IFT74: variants seen among roughly 807,000 people sequenced by gnomAD.
IFT74 encodes intraflagellar transport 74, also known as intraflagellar transport protein 74 homolog.
A neutral mutation model predicts 96.7 loss-of-function variants in IFT74; 92 were observed. The ratio of observed to expected loss-of-function variants is 0.95; its 90% CI spans 0.80 to 1.13. The LOEUF is 1.13. IFT74 is among the 50% of genes most tolerant of loss of function. The pLI, the probability that IFT74 is intolerant of heterozygous loss-of-function variation, is 0.00. For synonymous variants in IFT74, 223 were observed against 213.2 expected (o/e 1.05, Z -0.40); for missense variants, 811 against 698.2 (o/e 1.16, Z -1.82).
intron 9 of IFT74, among the ~76,000 whole-genome samples, chr9:27,010,858 C>G (rs377437271): frequency 1.1e-4 from 16 of 152,234 alleles, no homozygotes; most frequent in Non-Finnish European, 1.5e-4. Context: ...TATTGAGAAT[C>G]CTCTCAATAC....
chr9:27,025,667 A>G (rs919500854), intron 12 of IFT74, among the ~76,000 whole-genome samples: 5 of 152,166 alleles, frequency 3.3e-5, no homozygotes, highest in Admixed American at 2.6e-4. Flanking sequence ...ACAAGCTAGA[A>G]GGAATTGGAG....
At chr9:27,054,097 A>T (rs1820053369) in intron 16 of IFT74, among the ~76,000 whole-genome samples, 1 of 152,246 alleles carries the variant, frequency 6.6e-6, no homozygotes, top group Admixed American at 6.5e-5. Context: ...GCTTAATTAT[A>T]CTAACTTTAA....
chr9:27,001,652 A>G (rs1308697384), intron 8 of IFT74, among the ~76,000 whole-genome samples: 1 of 151,904 alleles, frequency 6.6e-6, no homozygotes, highest in African/African-American at 2.4e-5. Flanking sequence ...TACTTGGATT[A>G]TTTGTTTTTT....
intron 9 of IFT74, among the ~76,000 whole-genome samples, chr9:27,011,176 C>T (rs1486589148): frequency 2.0e-5 from 3 of 152,166 alleles, no homozygotes; most frequent in Middle Eastern, 3.4e-3. Flanking sequence ...TGGTTGATCC[C>T]GGGAGGCGGA....
chr9:27,044,092 C>T (rs192816075), intron 13 of IFT74, among the ~76,000 whole-genome samples: 83 of 152,298 alleles, frequency 5.4e-4, no homozygotes, highest in Middle Eastern at 6.8e-3. Context: ...TCACTTCATT[C>T]TCTGCCTCGG....
intron 15 of IFT74, 35 bp from the exon 16 acceptor site, chr9:27,048,113 G>C (rs758496791): frequency 1.4e-6 from 2 of 1,477,298 alleles, no homozygotes; most frequent in Admixed American, 2.0e-5. Context: ...TAAATCAGTG[G>C]ATTTTTTTCT....
At chr9:27,046,660 A>C (rs1266905184) in intron 14 of IFT74, among the ~76,000 whole-genome samples, 1 of 152,186 alleles carries the variant, frequency 6.6e-6, no homozygotes. Context: ...GTTAGTAGTC[A>C]GGGTGTTAAT....
chr9:26,991,001 G>GCACA (rs1290160325), intron 8 of IFT74, among the ~76,000 whole-genome samples: 4 of 152,148 alleles, frequency 2.6e-5, no homozygotes, highest in Non-Finnish European at 4.4e-5. Flanking sequence ...ACACATACAA[G>GCACA]CACATTCTCT....
intron 4 of IFT74, among the ~76,000 whole-genome samples, chr9:26,982,871 C>T (rs115428443): frequency 0.038 from 5,791 of 152,166 alleles, 130 homozygotes; most frequent in Middle Eastern, 0.065. Flanking sequence ...GGATTACAGG[C>T]GTGAGCTGCC....
rs747470036 is a variant in IFT74 at position 27,028,240 on chromosome 9, T to C, written c.975-785T>C. ...ACTGCTTTATGTTAAAATATTAACC[T>C]ATATAATCTTCTGCCAGTGGTAGGT... On this transcript the variant is annotated intron_variant, in intron 12 of 19. Transcript: ENST00000380062. Among the ~76,000 whole-genome samples, 137 of 152,346 alleles carry C rather than the reference T, an allele frequency of 9.0e-4. 6 individuals carry two copies. Among genetic ancestry groups the C allele is most frequent in the Non-Finnish European group, 4.7e-4 (32 of 68,032 alleles).
intron 1 of IFT74, among the ~76,000 whole-genome samples, chr9:26,949,278 T>C (rs1045945745): frequency 1.3e-5 from 2 of 152,228 alleles, no homozygotes; most frequent in African/African-American, 2.4e-5. Flanking sequence ...TAGATAGTAT[T>C]ATTCCCATTT....
chr9:26,999,662 C>A (rs1828367912), intron 8 of IFT74: 1 of 1,609,390 alleles, frequency 6.2e-7, no homozygotes, highest in Non-Finnish European at 8.5e-7. Context: ...TGGAGAGGGG[C>A]CAAAAGAGGA....
At chr9:26,987,550 A>G (rs1827691962) in intron 6 of IFT74, among the ~76,000 whole-genome samples, 1 of 152,210 alleles carries the variant, frequency 6.6e-6, no homozygotes. Context: ...TTAGCTGTGT[A>G]TCTGACATAT....
rs1398141834 is a variant in IFT74 at position 27,063,771 on chromosome 9, A to T, written c.*1035A>T. Among the ~76,000 whole-genome samples, 2 of 152,102 alleles carry T rather than the reference A, an allele frequency of 1.3e-5. No individual in the cohort carries two copies. The highest frequency in any genetic ancestry group is 2.4e-5 in the African/African-American group (1 of 41,438). On this transcript the variant is annotated 3_prime_UTR_variant, in exon 20 of 20. Transcript: ENST00000380062. ...AATTTACTCATATATGTTGATTTTTAAAAATAAATATTTATAATGGTAAAT... is the reference window on the plus strand; with the variant it reads ...AATTTACTCATATATGTTGATTTTTTAAAATAAATATTTATAATGGTAAAT...
At chr9:27,041,299 C>T (rs1201911725) in intron 13 of IFT74, among the ~76,000 whole-genome samples, 1 of 152,128 alleles carries the variant, frequency 6.6e-6, no homozygotes, top group Admixed American at 6.5e-5. Context: ...GTTACCACAG[C>T]ACTTCATACA....
intron 1 of IFT74, among the ~76,000 whole-genome samples, chr9:26,958,017 T>G (rs1259691153): frequency 6.6e-6 from 1 of 152,162 alleles, no homozygotes; most frequent in African/African-American, 2.4e-5. Context: ...CCTCCCAAAG[T>G]TCTGGGATTA....
At chr9:27,035,037 A>G (rs2131661280) in intron 13 of IFT74, among the ~76,000 whole-genome samples, 1 of 152,382 alleles carries the variant, frequency 6.6e-6, no homozygotes, top group Non-Finnish European at 1.5e-5. Context: ...CTTAATTATT[A>G]ATAGTCTAAT....
intron 14 of IFT74, among the ~76,000 whole-genome samples, chr9:27,046,779 A>C (rs1819714050): frequency 6.6e-6 from 1 of 152,180 alleles, no homozygotes; most frequent in Non-Finnish European, 1.5e-5. Context: ...ATTTACTTAT[A>C]TCAAGGTCAC....
chr9:27,023,941 A>T lies in IFT74; in HGVS notation c.975-5084A>T, dbSNP rs190506962. On this transcript the variant is annotated intron_variant, in intron 12 of 19. Transcript: ENST00000380062. ...CTTGTGGCAGGCCTATGGCCTCACC[A>T]ATCACCTGAGAAACCCAAATATTTA... Among the ~76,000 whole-genome samples, 31 of 152,266 alleles carry T rather than the reference A, an allele frequency of 2.0e-4. No individual in the cohort carries two copies. In the East Asian group the frequency reaches 5.4e-3, roughly 27 times the overall value.
Sources: allele counts gnomAD v4.1 joint callset (sites outside exome capture counted in the v4.1 genomes callset), GRCh38; gene constraint gnomAD v4.1.1; transcripts MANE v1.5; gene names NCBI Gene and HGNC (gene_info 2026-07-23, HGNC 2026-07-21).